The following PTBP3 variants were observed in gnomAD, a reference collection of about 807,000 sequenced individuals.
PTBP3 encodes polypyrimidine tract binding protein 3.
A neutral mutation model predicts 58.7 loss-of-function variants in PTBP3; 20 were observed. The observed-to-expected ratio is 0.34, with a 90% CI of 0.24 to 0.50. PTBP3 has a LOEUF of 0.50. Among genes scored for constraint, PTBP3 ranks in the 20% least tolerant of loss-of-function variants. The pLI is 0.98. For synonymous variants in PTBP3, 185 were observed against 219.8 expected, an observed-to-expected ratio of 0.84 and a Z score of 1.40; for missense variants, 509 against 637.2, an observed-to-expected ratio of 0.80 and a Z score of 2.17.
chr9:112,223,751 T>C lies in PTBP3; in HGVS notation c.*100A>G. On this transcript the variant is annotated 3_prime_UTR_variant, in exon 14 of 14. Transcript: ENST00000374257. ...CTTGAATATCAAACTCAGAGTTATTTTTGTGAAAGAGGCAAAATTGGTCTT... is the reference window on the plus strand; with the variant it reads ...CTTGAATATCAAACTCAGAGTTATTCTTGTGAAAGAGGCAAAATTGGTCTT... 6.5e-7 allele frequency: 1 copy of C among 1,535,316 alleles called. No individual in the cohort carries two copies. Among genetic ancestry groups the C allele is most frequent in the Admixed American group, 2.0e-5 (1 of 49,382 alleles).
chr9:112,324,193 G>A (rs889474925), intron 1 of PTBP3, among the ~76,000 whole-genome samples: 2 of 151,930 alleles, frequency 1.3e-5, no homozygotes, highest in Admixed American at 6.6e-5. Context: ...AAGCATCCTC[G>A]GAGTAAAGCA....
chr9:112,316,260 A>G (rs1418571357), intron 1 of PTBP3, among the ~76,000 whole-genome samples: 1 of 152,208 alleles, frequency 6.6e-6, no homozygotes, highest in Non-Finnish European at 1.5e-5. Context: ...ACTCGCTTCT[A>G]CTGAACAGAA....
At chr9:112,350,105 G>A in the PTBP3 span, among the ~76,000 whole-genome samples, 11 of 151,894 alleles carry the variant, frequency 7.2e-5, no homozygotes, top group Non-Finnish European at 1.3e-4. Flanking sequence ...ATTATTCTAA[G>A]TGAAATAACT....
At chr9:112,365,159 T>C in the PTBP3 span, among the ~76,000 whole-genome samples, 3 of 79,224 alleles carry the variant, frequency 3.8e-5, no homozygotes, top group Admixed American at 1.5e-4. Context: ...TATATGTCTA[T>C]CTATCTATCT....
intron 10 of PTBP3, among the ~76,000 whole-genome samples, chr9:112,229,670 A>G (rs1301551068): frequency 1.3e-5 from 2 of 152,210 alleles, no homozygotes; most frequent in African/African-American, 4.8e-5. Flanking sequence ...CCTTTCTCAG[A>G]AATAACACGA....
At chr9:112,290,063 T>C (rs538480459) in intron 2 of PTBP3, among the ~76,000 whole-genome samples, 5 of 152,282 alleles carry the variant, frequency 3.3e-5, no homozygotes, top group African/African-American at 1.2e-4. Context: ...GGGAAAAACA[T>C]GAAGTATTCT....
chr9:112,347,134 T>A, the PTBP3 span, among the ~76,000 whole-genome samples: 1 of 152,198 alleles, frequency 6.6e-6, no homozygotes, highest in Non-Finnish European at 1.5e-5. Context: ...AATAGCCTAA[T>A]GCTATATATA....
At chr9:112,329,839 G>C (rs1348455454) in intron 1 of PTBP3, among the ~76,000 whole-genome samples, 1 of 124,022 alleles carries the variant, frequency 8.1e-6, no homozygotes, top group Non-Finnish European at 1.6e-5. Flanking sequence ...CAGAGCCTAG[G>C]CTACACTTTT....
At chr9:112,318,809 G>C (rs750839380) in intron 1 of PTBP3, among the ~76,000 whole-genome samples, 5 of 151,496 alleles carry the variant, frequency 3.3e-5, no homozygotes, top group Non-Finnish European at 7.4e-5. Flanking sequence ...CAATATGCTT[G>C]AAATGTCAAA....
intron 2 of PTBP3, among the ~76,000 whole-genome samples, chr9:112,295,216 G>C (rs1474266288): frequency 6.6e-6 from 1 of 150,830 alleles, no homozygotes; most frequent in Non-Finnish European, 1.5e-5. Context: ...TCCAGCCTGG[G>C]CGAGACAGAG....
chr9:112,253,157 G>T (rs757902948), intron 5 of PTBP3, among the ~76,000 whole-genome samples: 1 of 152,140 alleles, frequency 6.6e-6, no homozygotes, highest in Non-Finnish European at 1.5e-5. Context: ...GATTTCTGTA[G>T]CCACTAGAAG....
chr9:112,349,941 T>C, the PTBP3 span, among the ~76,000 whole-genome samples: 1 of 148,702 alleles, frequency 6.7e-6, no homozygotes, highest in Non-Finnish European at 1.5e-5. Context: ...GTTGGAGAAT[T>C]GTTTGTCTGT....
At position 112,253,674 on chromosome 9, in the gene PTBP3, T is replaced by C. The variant is rs1163708279; in HGVS notation, c.517-886A>G. 2.6e-5 allele frequency among the ~76,000 whole-genome samples: 4 copies of C among 152,150 alleles called. No homozygotes were observed. In the East Asian group the frequency reaches 5.8e-4, roughly 22 times the overall value. On this transcript the variant is annotated intron_variant, in intron 5 of 13. Transcript: ENST00000374257. Reference sequence around the variant, plus strand: ...GACCTGGTGGGAGGTGACTGGATCATAGGGACAGTTTCCCCTTTGTTGTTC... The same window carrying C: ...GACCTGGTGGGAGGTGACTGGATCACAGGGACAGTTTCCCCTTTGTTGTTC...
the PTBP3 span, among the ~76,000 whole-genome samples, chr9:112,350,301 A>G: frequency 1.3e-5 from 2 of 152,212 alleles, no homozygotes; most frequent in South Asian, 2.1e-4. Flanking sequence ...GGGTGCCTCA[A>G]AATCTCACAA....
At chr9:112,254,733 G>A (rs915196974) in intron 5 of PTBP3, among the ~76,000 whole-genome samples, 1 of 152,110 alleles carries the variant, frequency 6.6e-6, no homozygotes, top group African/African-American at 2.4e-5. Flanking sequence ...ATATTGGGGA[G>A]GATATGAAGA....
Position 112,221,135 on chromosome 9 carries a change from CT to C in PTBP3, c.*2715del. ...ACACAAACTGATGGTTTCAAACATG[CT>C]ATTTTAAAACAAGAACATCCCACAT... On this transcript the variant is annotated 3_prime_UTR_variant, in exon 14 of 14. Coordinates refer to ENST00000374257, the MANE Select transcript of PTBP3 (RefSeq NM_001163788.4). 1.0e-6 allele frequency: 1 copy of C among 985,670 alleles called. No individual in the cohort carries two copies. Among genetic ancestry groups the C allele is most frequent in the African/African-American group, 1.7e-5 (1 of 57,356 alleles). 61.1% of individuals were successfully genotyped at this position (985,670 alleles called of 1,614,324 possible).
intron 7 of PTBP3, 109 bp from the exon 8 acceptor site, chr9:112,235,006 T>A (rs1835387095): frequency 1.1e-6 from 1 of 916,650 alleles, no homozygotes; most frequent in Admixed American, 2.6e-5. Context: ...GAGATTCTGT[T>A]ACGGAGTAAA....
At chr9:112,337,589 A>T (rs1376667868), upstream of PTBP3, among the ~76,000 whole-genome samples, 1 of 152,246 alleles carries the variant, frequency 6.6e-6, no homozygotes, top group Non-Finnish European at 1.5e-5. Context: ...GATAGTGAAG[A>T]GAGTTACATT....
At chr9:112,333,097 G>A in intron 1 of PTBP3, 1 of 1,270,430 alleles carries the variant, frequency 7.9e-7, no homozygotes, top group African/African-American at 1.6e-5. Flanking sequence ...CCCCAGCGCC[G>A]CGCACCATTT....
Sources: allele counts gnomAD v4.1 joint callset (sites outside exome capture counted in the v4.1 genomes callset), GRCh38; gene constraint gnomAD v4.1.1; transcripts MANE v1.5; gene names NCBI Gene and HGNC (gene_info 2026-07-23, HGNC 2026-07-21).